AGAP1: variants seen among roughly 807,000 people sequenced by gnomAD.
AGAP1 encodes arf-GAP with GTPase, ANK repeat and PH domain-containing protein 1.
A neutral mutation model predicts 105.3 loss-of-function variants in AGAP1; 29 were observed. The ratio of observed to expected loss-of-function variants is 0.28; its 90% confidence interval spans 0.21 to 0.38. AGAP1 has a LOEUF of 0.38. Ranked by LOEUF, AGAP1 falls within the 10% of genes least tolerant of loss-of-function variation. The probability of loss-of-function intolerance (pLI) is 1.00; values close to 1 mark genes in which losing one functional copy is unlikely to be tolerated. For synonymous variants in AGAP1, 509 were observed against 485.9 expected (o/e 1.05, Z -0.63); for missense variants, 998 against 1,165.1 (o/e 0.86, Z 2.09).
Position 235,908,616 on chromosome 2 carries a change from C to A in AGAP1, c.1156-122C>A. 3 of 820,966 alleles carry A rather than the reference C, an allele frequency of 3.7e-6. No homozygotes were observed. Among genetic ancestry groups the A allele is most frequent in the Non-Finnish European group, 5.6e-6 (3 of 539,092 alleles). 50.9% of individuals were successfully genotyped at this position (820,966 alleles called of 1,614,324 possible). A position where few individuals can be genotyped will look rare whatever the true frequency, so the allele number is the denominator to read the frequency against. On this transcript the variant is annotated intron_variant, in intron 10 of 17. Coordinates refer to ENST00000304032, the MANE Select transcript of AGAP1 (RefSeq NM_001037131.3). The surrounding 1 kb of genome is among the most constrained non-coding windows in gnomAD (Gnocchi z 4.4). ...TAAAAATCTCATGATTTTTAAAGTACTTTCCACAGTGGAAGGGTCATAGGG... is the reference window on the plus strand; with the variant it reads ...TAAAAATCTCATGATTTTTAAAGTAATTTCCACAGTGGAAGGGTCATAGGG...
chr2:235,698,776 T>G (rs1423445809), intron 1 of AGAP1, among the ~76,000 whole-genome samples: 1 of 152,228 alleles, frequency 6.6e-6, no homozygotes, highest in Non-Finnish European at 1.5e-5. Flanking sequence ...CTCAGGTTCT[T>G]GTTATTGTAG....
At chr2:235,924,866 C>A (rs1156459911) in intron 11 of AGAP1, among the ~76,000 whole-genome samples, 1 of 152,230 alleles carries the variant, frequency 6.6e-6, no homozygotes, top group African/African-American at 2.4e-5. Context: ...GACATTACCC[C>A]TGTTGTACCA....
rs1175639269 is a variant in AGAP1 at position 235,556,422 on chromosome 2, C to T, written c.163+61573C>T. ...CCAGGCCAGTCTCGTCCAGGCTGCC[C>T]ACACCTAGGTCTTCAGGATGGGACA... On this transcript the variant is annotated intron_variant, in intron 1 of 17. Coordinates refer to ENST00000304032, the MANE Select transcript of AGAP1 (RefSeq NM_001037131.3). This position sits in a 1 kb window ranked among gnomAD's most constrained non-coding sequence, Gnocchi z 5.3. Among the ~76,000 whole-genome samples the T allele has an allele frequency of 6.6e-6, 1 of 152,246 alleles. No homozygotes were observed. Among genetic ancestry groups the T allele is most frequent in the Non-Finnish European group, 1.5e-5 (1 of 68,044 alleles).
chr2:235,791,382 C>G (rs1956965760), intron 6 of AGAP1, among the ~76,000 whole-genome samples: 1 of 152,090 alleles, frequency 6.6e-6, no homozygotes, highest in Non-Finnish European at 1.5e-5. Context: ...AGGTAAGCCC[C>G]CTATGGTTCG....
intron 11 of AGAP1, among the ~76,000 whole-genome samples, chr2:235,926,157 A>G (rs916639741): frequency 6.6e-6 from 1 of 152,264 alleles, no homozygotes; most frequent in African/African-American, 2.4e-5. Context: ...CATTCATTCA[A>G]GAACAGAAAT....
In AGAP1 at chr2:235,887,826, G is replaced by A. The variant is rs1220847755; in HGVS notation, c.1155+4377G>A. Among the ~76,000 whole-genome samples, 3 of 152,208 alleles carry A rather than the reference G, an allele frequency of 2.0e-5. No homozygotes were observed. Among genetic ancestry groups the A allele is most frequent in the Non-Finnish European group, 4.4e-5 (3 of 68,042 alleles). ...AAAAAGGAAACTAGCATGCTTTTGGGGAGACGGGATTCTAATCAGCTAATA... is the reference window on the plus strand; with the variant it reads ...AAAAAGGAAACTAGCATGCTTTTGGAGAGACGGGATTCTAATCAGCTAATA... On this transcript the variant is annotated intron_variant, in intron 10 of 17. Coordinates refer to ENST00000304032, the MANE Select transcript of AGAP1 (RefSeq NM_001037131.3). The surrounding 1 kb of genome is among the most constrained non-coding windows in gnomAD (Gnocchi z 4.1).
chr2:235,750,415 C>T lies in AGAP1; in HGVS notation c.600C>T (p.Asn200=), dbSNP rs142209544. Residue 200 remains asparagine (N), a synonymous_variant, in exon 6 of 18, where the codon AAC becomes AAT. Coordinates refer to ENST00000304032, the MANE Select transcript of AGAP1 (RefSeq NM_001037131.3). The surrounding 1 kb of genome is among the most constrained non-coding windows in gnomAD (Gnocchi z 5.3). ...ACGCCAGGGCGAGGAAGCTCTCCAACGACCTGAAACGGTGCACGTACTACG... is the reference window on the plus strand; with the variant it reads ...ACGCCAGGGCGAGGAAGCTCTCCAATGACCTGAAACGGTGCACGTACTACG... ...IDDARARKLS[N]DLKRCTYYET... The T allele has an allele frequency of 3.0e-5, 48 of 1,614,170 alleles. No homozygotes were observed. Among genetic ancestry groups the T allele is most frequent in the African/African-American group, 2.8e-4 (21 of 75,030 alleles).
chr2:235,763,052 A>ATG (rs1211676959), intron 6 of AGAP1, among the ~76,000 whole-genome samples: 1 of 150,288 alleles, frequency 6.7e-6, no homozygotes. Context: ...GTGTGTGTGT[A>ATG]TGTGTGCGCG....
chr2:235,802,849 A>ATGG (rs1957581776), intron 8 of AGAP1, among the ~76,000 whole-genome samples: 1 of 97,236 alleles, frequency 1.0e-5, no homozygotes, highest in African/African-American at 4.1e-5. Context: ...TATGGTTGTG[A>ATGG]TGATGGTTGT....
At chr2:236,039,733 A>G (rs899253730) in intron 14 of AGAP1, among the ~76,000 whole-genome samples, 30 of 146,102 alleles carry the variant, frequency 2.1e-4, no homozygotes, top group Admixed American at 1.8e-3. Context: ...TGGAAAGGGC[A>G]GGTTTCTATG....
At chr2:235,847,550 A>G (rs1415840500) in intron 9 of AGAP1, among the ~76,000 whole-genome samples, 1 of 152,264 alleles carries the variant, frequency 6.6e-6, no homozygotes, top group Non-Finnish European at 1.5e-5. Flanking sequence ...AGTTTATCGT[A>G]AAACTGTTCT....
chr2:235,631,125 CAG>C lies in AGAP1; in HGVS notation c.164-78053_164-78052del, dbSNP rs1197513550. ...TGCCTGGATACCAGGGTTACACACT[CAG>C]GGAAAATCCACAGGACGAGGGCTGA... On this transcript the variant is annotated intron_variant, in intron 1 of 17. Coordinates refer to ENST00000304032, the MANE Select transcript of AGAP1 (RefSeq NM_001037131.3). The surrounding 1 kb of genome is among the most constrained non-coding windows in gnomAD (Gnocchi z 5.4). Among the ~76,000 whole-genome samples, 3 of 152,188 alleles carry C rather than the reference CAG, an allele frequency of 2.0e-5. No individual in the cohort carries two copies. The highest frequency in any genetic ancestry group is 2.9e-5 in the Non-Finnish European group (2 of 68,038).
chr2:235,998,444 C>A (rs1297576347), intron 13 of AGAP1, among the ~76,000 whole-genome samples: 1 of 152,156 alleles, frequency 6.6e-6, no homozygotes, highest in African/African-American at 2.4e-5. Flanking sequence ...TCTAACTGAG[C>A]CCCTATCTTA....
intron 1 of AGAP1, among the ~76,000 whole-genome samples, chr2:235,687,792 C>T (rs1949529870): frequency 6.7e-6 from 1 of 149,610 alleles, no homozygotes; most frequent in Admixed American, 6.7e-5. Context: ...TAAGCAGGGG[C>T]AAAGTACACA....
rs71064856 is a variant in AGAP1 at position 235,551,472 on chromosome 2, A to ATT, written c.163+56630_163+56631dup. On this transcript the variant is annotated intron_variant, in intron 1 of 17. Coordinates refer to ENST00000304032, the MANE Select transcript of AGAP1 (RefSeq NM_001037131.3). The surrounding 1 kb of genome is among the most constrained non-coding windows in gnomAD (Gnocchi z 4.8). ...AGGTGCGCAGCACCACACCTGGCTG[A>ATT]TTTTTTTTGTAGAGACGGGTCGTCC... 1.3e-5 allele frequency among the ~76,000 whole-genome samples: 2 copies of ATT among 151,620 alleles called. No individual in the cohort carries two copies. The highest frequency in any genetic ancestry group is 2.9e-5 in the Non-Finnish European group (2 of 67,926).
intron 6 of AGAP1, among the ~76,000 whole-genome samples, chr2:235,779,837 C>G (rs779084159): frequency 7.2e-5 from 11 of 152,204 alleles, no homozygotes; most frequent in Non-Finnish European, 1.6e-4. Flanking sequence ...GGACCGCTGT[C>G]AGAACTGTGC....
In AGAP1 at chr2:236,082,484, A is replaced by G. The variant is rs2058812407; in HGVS notation, c.2114+33203A>G. ...CAGGGAGGGAGAGCTTTTCCTAAGCATCGATCCCCTCCAGAAAGGAAGATG... is the reference window on the plus strand; with the variant it reads ...CAGGGAGGGAGAGCTTTTCCTAAGCGTCGATCCCCTCCAGAAAGGAAGATG... On this transcript the variant is annotated intron_variant, in intron 16 of 17. Transcript: ENST00000304032. This position sits in a 1 kb window ranked among gnomAD's most constrained non-coding sequence, Gnocchi z 4.2. Among the ~76,000 whole-genome samples, 1 of 152,198 alleles carries G rather than the reference A, an allele frequency of 6.6e-6. No individual in the cohort carries two copies. Among genetic ancestry groups the G allele is most frequent in the East Asian group, 1.9e-4 (1 of 5,182 alleles).
chr2:236,006,300 A>G (rs2056320308), intron 13 of AGAP1, among the ~76,000 whole-genome samples: 1 of 152,056 alleles, frequency 6.6e-6, no homozygotes, highest in African/African-American at 2.4e-5. Context: ...TCCTGCCACA[A>G]TCTTAGAATC....
At chr2:236,049,441 G>A in intron 16 of AGAP1, 160 bp downstream of exon 16, 2 of 658,374 alleles carry the variant, frequency 3.0e-6, no homozygotes, top group Non-Finnish European at 5.1e-6. Flanking sequence ...TTTAAAGTTG[G>A]TCTTGAGCAG....
Sources: allele counts gnomAD v4.1 joint callset (sites outside exome capture counted in the v4.1 genomes callset), GRCh38; gene constraint gnomAD v4.1.1; non-coding constraint Gnocchi (gnomAD v3.1); transcripts MANE v1.5; gene names NCBI Gene and HGNC (gene_info 2026-07-23, HGNC 2026-07-21).